SYTL3: variants seen among roughly 807,000 people sequenced by gnomAD.
SYTL3 encodes synaptotagmin like 3.
SYTL3 carries 88 observed loss-of-function variants against 82.1 expected under a neutral mutation model. That is an observed-to-expected ratio of 1.07 (90% CI 0.90 to 1.28). The LOEUF (loss-of-function observed/expected upper bound fraction) is 1.28. Ranked by LOEUF, SYTL3 falls within the 50% of genes most tolerant of loss-of-function variation. The pLI, the probability that SYTL3 is intolerant of heterozygous loss-of-function variation, is 0.00. For missense variants in SYTL3, 831 were observed against 757.6 expected (o/e 1.10, Z -1.14); for synonymous variants, 311 against 289.4 (o/e 1.07, Z -0.76).
At chr6:158,687,314 C>T (rs982780416) in intron 6 of SYTL3, among the ~76,000 whole-genome samples, 2 of 152,176 alleles carry the variant, frequency 1.3e-5, no homozygotes, top group African/African-American at 4.8e-5. Flanking sequence ...GGGATATCTC[C>T]ACAGGGCTGC....
intron 5 of SYTL3, among the ~76,000 whole-genome samples, chr6:158,672,815 G>A (rs2630752): frequency 0.24 from 36,173 of 151,662 alleles, 5,176 homozygotes; most frequent in East Asian, 0.68. Context: ...GTATTTTTTT[G>A]TAGAGATAGG....
Position 158,690,540 on chromosome 6 carries a change from A to G in SYTL3, c.394+7551A>G, listed in dbSNP as rs1323513683. Among the ~76,000 whole-genome samples, 4 of 152,192 alleles carry G rather than the reference A, an allele frequency of 2.6e-5. No homozygotes were observed. The East Asian group carries it at 7.7e-4, about 29-fold the overall frequency. ...CCCCCAGATTTCCTTGGAAGTAGAC[A>G]TGCTATAAGAATCTAGTGAAGAATA... On this transcript the variant is annotated intron_variant, in intron 6 of 17. Coordinates refer to ENST00000611299, the MANE Select transcript of SYTL3 (RefSeq NM_001242394.2).
At chr6:158,720,661 G>C (rs1303347100) in intron 10 of SYTL3, among the ~76,000 whole-genome samples, 2 of 152,176 alleles carry the variant, frequency 1.3e-5, no homozygotes, top group Non-Finnish European at 2.9e-5. Context: ...CTGACTTGGG[G>C]TTAACCAGAT....
rs370252988 is a variant in SYTL3 at position 158,717,879 on chromosome 6, C to T, written c.596-208C>T. On this transcript the variant is annotated intron_variant, in intron 9 of 17. Transcript: ENST00000611299. ...GACCTTGAAGGAAGCCAGCCCTCTC[C>T]TGCCCTGACCCAGCACACTGTCTGC... Among the ~76,000 whole-genome samples the T allele has an allele frequency of 7.2e-5, 11 of 152,300 alleles. 1 individual carries two copies. Among genetic ancestry groups the T allele is most frequent in the African/African-American group, 2.6e-4 (11 of 41,568 alleles).
chr6:158,748,632 G>A (rs1245546112), intron 12 of SYTL3, among the ~76,000 whole-genome samples: 1 of 152,138 alleles, frequency 6.6e-6, no homozygotes, highest in Non-Finnish European at 1.5e-5. Context: ...ATCACCTGAG[G>A]TCAGGAGTTT....
chr6:158,665,222 C>G (rs902097566), intron 4 of SYTL3, among the ~76,000 whole-genome samples, 173 bp from the exon 5 acceptor site: 1 of 152,156 alleles, frequency 6.6e-6, no homozygotes, highest in Non-Finnish European at 1.5e-5. Flanking sequence ...CCTTGAGACT[C>G]GACTCTGAGA....
chr6:158,669,023 CAAA>C (rs941852882), intron 5 of SYTL3, among the ~76,000 whole-genome samples: 4 of 152,130 alleles, frequency 2.6e-5, no homozygotes, highest in African/African-American at 9.7e-5. Flanking sequence ...GGAGGAGAAA[CAAA>C]GAAGTTAAAA....
At chr6:158,647,702 G>A (rs2128340196), upstream of SYTL3, among the ~76,000 whole-genome samples, 1 of 152,382 alleles carries the variant, frequency 6.6e-6, no homozygotes, top group South Asian at 2.1e-4. Flanking sequence ...TCCATCAGAA[G>A]CATTGGAGCT....
At chr6:158,725,342 T>C (rs149250840) in intron 10 of SYTL3, among the ~76,000 whole-genome samples, 161 bp from the exon 11 acceptor site, 3,420 of 152,200 alleles carry the variant, frequency 0.022, 125 homozygotes, top group African/African-American at 0.076. Flanking sequence ...TGTGTGTGTG[T>C]GCGCACGTGC....
chr6:158,685,133 T>A (rs181836557), intron 6 of SYTL3, among the ~76,000 whole-genome samples: 2 of 152,236 alleles, frequency 1.3e-5, no homozygotes, highest in East Asian at 3.9e-4. Context: ...CGTCATCCCA[T>A]GTGGAATGTG....
At chr6:158,762,800 C>T (rs756724492) in intron 16 of SYTL3, among the ~76,000 whole-genome samples, 8 of 152,140 alleles carry the variant, frequency 5.3e-5, no homozygotes, top group Non-Finnish European at 1.0e-4. Flanking sequence ...ACCTATAATC[C>T]TAGCTGCTCT....
intron 12 of SYTL3, among the ~76,000 whole-genome samples, chr6:158,748,094 C>A (rs1787901787): frequency 1.4e-5 from 2 of 138,650 alleles, no homozygotes; most frequent in Non-Finnish European, 3.1e-5. Context: ...TTTTTCCCCA[C>A]ACTTAGATCT....
chr6:158,728,134 AC>A (rs1784959418), intron 11 of SYTL3, among the ~76,000 whole-genome samples: 1 of 152,048 alleles, frequency 6.6e-6, no homozygotes, highest in Non-Finnish European at 1.5e-5. Context: ...ATGTTCTTTT[AC>A]GGTTAAGTCT....
chr6:158,717,658 CA>C (rs1478983906), intron 9 of SYTL3, among the ~76,000 whole-genome samples: 1 of 152,140 alleles, frequency 6.6e-6, no homozygotes, highest in Non-Finnish European at 1.5e-5. Context: ...TACCTCGCTT[CA>C]AAAAGTCACA....
intron 6 of SYTL3, among the ~76,000 whole-genome samples, chr6:158,696,370 T>A (rs1287052391): frequency 2.0e-5 from 3 of 151,760 alleles, no homozygotes; most frequent in Admixed American, 2.0e-4. Flanking sequence ...TAATTTTTTT[T>A]TTTTTTTGTA....
chr6:158,754,787 A>G (rs7775812), intron 13 of SYTL3, among the ~76,000 whole-genome samples: 37,877 of 152,222 alleles, frequency 0.25, 5,363 homozygotes, highest in African/African-American at 0.38. Context: ...ATTGACAGAA[A>G]GGGGCGAGCA....
At chr6:158,649,855 A>G (rs952890553), upstream of SYTL3, among the ~76,000 whole-genome samples, 1 of 152,304 alleles carries the variant, frequency 6.6e-6, no homozygotes, top group Non-Finnish European at 1.5e-5. Context: ...AAATGTTGGC[A>G]TAGAAGAGCT....
chr6:158,734,300 C>T (rs1245877969), intron 11 of SYTL3, among the ~76,000 whole-genome samples: 1 of 152,020 alleles, frequency 6.6e-6, no homozygotes, highest in Admixed American at 6.6e-5. Flanking sequence ...TACTAATCTG[C>T]CCAGGGTCCC....
intron 6 of SYTL3, among the ~76,000 whole-genome samples, chr6:158,697,439 ATCAG>A (rs1780678015): frequency 6.6e-6 from 1 of 151,074 alleles, no homozygotes. Flanking sequence ...CCTGTCTCAA[ATCAG>A]TCAATCAATC....
Sources: gnomAD v4.1 joint callset for allele counts (sites outside exome capture counted in the v4.1 genomes callset) on GRCh38, gnomAD v4.1.1 for gene constraint, MANE v1.5 for transcripts, NCBI Gene and HGNC (gene_info 2026-07-23, HGNC 2026-07-21) for gene names.